Variants in CTNND2 observed in about 807,000 individuals in gnomAD.
CTNND2 encodes the protein catenin delta 2, also known as catenin delta-2.
A neutral mutation model predicts 144.4 loss-of-function variants in CTNND2; 22 were observed. The observed-to-expected ratio is 0.15, with a 90% CI of 0.11 to 0.22. CTNND2 has a LOEUF of 0.22. Ranked by LOEUF, CTNND2 falls within the 10% of genes least tolerant of loss-of-function variation. The probability of loss-of-function intolerance (pLI) is 1.00; values close to 1 mark genes in which losing one functional copy is unlikely to be tolerated. For missense variants in CTNND2, 1,353 were observed against 1,618.8 expected, an observed-to-expected ratio of 0.84 and a Z score of 2.82; for synonymous variants, 751 against 695.6, an observed-to-expected ratio of 1.08 and a Z score of -1.25.
At chr5:11,676,249 A>T (rs2126614436) in intron 2 of CTNND2, among the ~76,000 whole-genome samples, 1 of 152,280 alleles carries the variant, frequency 6.6e-6, no homozygotes, top group South Asian at 2.1e-4. Flanking sequence ...TAGGTTAGGT[A>T]CTTAAGTCCA....
At chr5:11,899,425 T>C (rs1028841224) in intron 1 of CTNND2, among the ~76,000 whole-genome samples, 18 of 152,224 alleles carry the variant, frequency 1.2e-4, no homozygotes, top group Non-Finnish European at 2.1e-4. Context: ...GAGATATAAT[T>C]TACTTCTCCT....
At chr5:11,555,463 A>G (rs1246808134) in intron 3 of CTNND2, among the ~76,000 whole-genome samples, 1 of 152,154 alleles carries the variant, frequency 6.6e-6, no homozygotes, top group African/African-American at 2.4e-5. Context: ...GTTTAGAGGA[A>G]TAAGAGCTTC....
chr5:11,864,469 A>G (rs1795648207), intron 1 of CTNND2, among the ~76,000 whole-genome samples: 1 of 152,168 alleles, frequency 6.6e-6, no homozygotes, highest in Non-Finnish European at 1.5e-5. Context: ...ATTGTATCTC[A>G]AAGCCTCACC....
intron 1 of CTNND2, among the ~76,000 whole-genome samples, chr5:11,741,335 T>C (rs1787993432): frequency 6.6e-6 from 1 of 152,136 alleles, no homozygotes; most frequent in African/African-American, 2.4e-5. Context: ...CCATCAATGA[T>C]AGACTGGATT....
chr5:11,537,291 T>C (rs528259532), intron 3 of CTNND2, among the ~76,000 whole-genome samples: 20 of 152,314 alleles, frequency 1.3e-4, no homozygotes, highest in Admixed American at 2.6e-4. Flanking sequence ...TCAATGTTGG[T>C]TCATAATCTT....
chr5:11,104,583 T>C (rs1247149128), intron 14 of CTNND2, among the ~76,000 whole-genome samples: 2 of 152,274 alleles, frequency 1.3e-5, no homozygotes, highest in Middle Eastern at 3.4e-3. Context: ...ATAGAGGTGA[T>C]GGGTATTCAA....
chr5:11,253,208 G>A (rs1036439647), intron 9 of CTNND2, among the ~76,000 whole-genome samples: 4 of 151,968 alleles, frequency 2.6e-5, no homozygotes, highest in Non-Finnish European at 5.9e-5. Flanking sequence ...ATTTTACTTG[G>A]CTTCTCACTG....
intron 18 of CTNND2, among the ~76,000 whole-genome samples, chr5:11,014,592 G>A (rs1580042842): frequency 6.6e-6 from 1 of 152,274 alleles, no homozygotes; most frequent in African/African-American, 2.4e-5. Flanking sequence ...AAAGTCAAAG[G>A]TTCCGATGAT....
intron 1 of CTNND2, among the ~76,000 whole-genome samples, chr5:11,831,067 T>C (rs1008889695): frequency 6.6e-6 from 1 of 152,100 alleles, no homozygotes; most frequent in Non-Finnish European, 1.5e-5. Flanking sequence ...TGTGTGTTTA[T>C]GTGTGTCTGC....
chr5:11,585,484 A>ATCTATC (rs143081845), intron 2 of CTNND2, among the ~76,000 whole-genome samples: 10 of 149,994 alleles, frequency 6.7e-5, no homozygotes, highest in African/African-American at 2.5e-4. Context: ...TTATCTATGT[A>ATCTATC]TATCTATCTA....
intron 9 of CTNND2, among the ~76,000 whole-genome samples, chr5:11,300,848 G>A (rs1038814093): frequency 1.3e-5 from 2 of 152,098 alleles, no homozygotes; most frequent in African/African-American, 4.8e-5. Context: ...TTGGAAACAG[G>A]AAGTAGAAAG....
chr5:11,597,966 A>G (rs1192534842), intron 2 of CTNND2, among the ~76,000 whole-genome samples: 3 of 152,198 alleles, frequency 2.0e-5, no homozygotes, highest in Admixed American at 6.5e-5. Context: ...CTCATTTCCT[A>G]TATCACTGAA....
At chr5:11,882,654 C>T (rs1736211884) in intron 1 of CTNND2, among the ~76,000 whole-genome samples, 1 of 151,968 alleles carries the variant, frequency 6.6e-6, no homozygotes, top group African/African-American at 2.4e-5. Flanking sequence ...TTTCATTGGC[C>T]TATGTGTCTG....
At chr5:10,991,887 A>T (rs368460640) in intron 19 of CTNND2, among the ~76,000 whole-genome samples, 2 of 152,224 alleles carry the variant, frequency 1.3e-5, no homozygotes, top group Non-Finnish European at 2.9e-5. Context: ...CCCAATTATG[A>T]CAAAATGCAA....
chr5:11,183,269 T>A (rs895305918), intron 11 of CTNND2, among the ~76,000 whole-genome samples: 1 of 152,238 alleles, frequency 6.6e-6, no homozygotes, highest in Non-Finnish European at 1.5e-5. Flanking sequence ...TAACTACAAC[T>A]GTATGTTAAA....
At chr5:11,472,937 G>A (rs908859873) in intron 3 of CTNND2, among the ~76,000 whole-genome samples, 1 of 152,076 alleles carries the variant, frequency 6.6e-6, no homozygotes, top group Non-Finnish European at 1.5e-5. Context: ...ATTTGGGCAT[G>A]GTGGCGCATG....
At chr5:11,640,236 A>G (rs985575366) in intron 2 of CTNND2, among the ~76,000 whole-genome samples, 5 of 152,268 alleles carry the variant, frequency 3.3e-5, no homozygotes, top group Non-Finnish European at 7.3e-5. Flanking sequence ...AGAAGGAAAT[A>G]CATATGAGTA....
chr5:11,284,681 G>T (rs575080799), intron 9 of CTNND2, among the ~76,000 whole-genome samples: 1 of 152,322 alleles, frequency 6.6e-6, no homozygotes, highest in East Asian at 1.9e-4. Context: ...CATTTGGGTT[G>T]ATTCCATGTC....
intron 6 of CTNND2, among the ~76,000 whole-genome samples, chr5:11,392,913 T>C (rs1425182484): frequency 6.6e-6 from 1 of 152,206 alleles, no homozygotes; most frequent in Non-Finnish European, 1.5e-5. Flanking sequence ...GAAGTCATAC[T>C]AGCTGTCTTT....
Sources: allele counts gnomAD v4.1 joint callset (sites outside exome capture counted in the v4.1 genomes callset), GRCh38; gene constraint gnomAD v4.1.1; transcripts MANE v1.5; gene names NCBI Gene and HGNC (gene_info 2026-07-23, HGNC 2026-07-21).